Variants in CATSPERB observed in about 807,000 individuals in gnomAD.
The protein encoded by CATSPERB is cation channel sperm-associated auxiliary subunit beta.
CATSPERB carries 93 observed loss-of-function variants against 128.3 expected under a neutral mutation model. That is an observed-to-expected ratio of 0.72 (90% CI 0.61 to 0.86). The LOEUF (loss-of-function observed/expected upper bound fraction) is 0.86. CATSPERB is among the 40% of genes least tolerant of loss of function. CATSPERB has a pLI of 0.00. For synonymous variants in CATSPERB, 381 were observed against 448.8 expected, an observed-to-expected ratio of 0.85 and a Z score of 1.91; for missense variants, 1,153 against 1,329.5, an observed-to-expected ratio of 0.87 and a Z score of 2.06.
intron 22 of CATSPERB, among the ~76,000 whole-genome samples, chr14:91,596,788 C>T (rs183000705): frequency 6.6e-6 from 1 of 152,220 alleles, no homozygotes; most frequent in African/African-American, 2.4e-5. Flanking sequence ...TTTGACAATG[C>T]TTCCTGTATA....
chr14:91,647,686 T>C (rs1894629726), intron 15 of CATSPERB, among the ~76,000 whole-genome samples: 1 of 152,142 alleles, frequency 6.6e-6, no homozygotes, highest in Non-Finnish European at 1.5e-5. Flanking sequence ...TTGTGAGACT[T>C]ATTCACTATC....
At chr14:91,602,700 C>T (rs528813037) in intron 22 of CATSPERB, among the ~76,000 whole-genome samples, 2 of 151,864 alleles carry the variant, frequency 1.3e-5, no homozygotes, top group East Asian at 3.9e-4. Context: ...AAATATAAAA[C>T]AAATCTGTCC....
intron 14 of CATSPERB, among the ~76,000 whole-genome samples, chr14:91,663,322 A>T (rs1894917821): frequency 6.6e-6 from 1 of 152,080 alleles, no homozygotes; most frequent in African/African-American, 2.4e-5. Flanking sequence ...GTTTAACTTG[A>T]CCCAAATTAT....
intron 25 of CATSPERB, 149 bp downstream of exon 25, chr14:91,587,829 C>T (rs1003298397): frequency 1.7e-6 from 1 of 589,088 alleles, no homozygotes; most frequent in South Asian, 2.3e-5. Flanking sequence ...AAAAATAAAC[C>T]CTCTTCATAT....
At chr14:91,681,403 A>G (rs1451050174) in intron 11 of CATSPERB, among the ~76,000 whole-genome samples, 1 of 152,222 alleles carries the variant, frequency 6.6e-6, no homozygotes, top group East Asian at 1.9e-4. Context: ...GAGAGAAGCC[A>G]CACTCTAAAA....
intron 25 of CATSPERB, among the ~76,000 whole-genome samples, chr14:91,587,616 T>C (rs1266401924): frequency 6.6e-6 from 1 of 151,880 alleles, no homozygotes; most frequent in Non-Finnish European, 1.5e-5. Context: ...GTTTTCACAA[T>C]TATCTGTATT....
At chr14:91,704,468 G>A (rs1895703371) in intron 7 of CATSPERB, 84 bp downstream of exon 7, 2 of 1,382,818 alleles carry the variant, frequency 1.4e-6, no homozygotes, top group Non-Finnish European at 2.0e-6. Flanking sequence ...CTATGTCTAT[G>A]CATTTATTTC....
intron 22 of CATSPERB, among the ~76,000 whole-genome samples, chr14:91,597,138 C>T (rs1057073210): frequency 7.2e-5 from 11 of 152,010 alleles, no homozygotes; most frequent in Non-Finnish European, 1.5e-4. Flanking sequence ...GATCTGCCTG[C>T]CTCAGCCTCC....
intron 22 of CATSPERB, among the ~76,000 whole-genome samples, chr14:91,599,790 C>A (rs1893579802): frequency 6.6e-6 from 1 of 152,076 alleles, no homozygotes; most frequent in African/African-American, 2.4e-5. Flanking sequence ...TTCCAGGTCA[C>A]AGAAAGGTGA....
intron 15 of CATSPERB, among the ~76,000 whole-genome samples, chr14:91,643,994 T>C (rs2139809156): frequency 7.2e-6 from 1 of 139,358 alleles, no homozygotes; most frequent in East Asian, 2.0e-4. Flanking sequence ...TGATCCTTGT[T>C]GGTTTAAAGT....
At chr14:91,661,523 T>TAATA (rs1894882644) in intron 14 of CATSPERB, among the ~76,000 whole-genome samples, 1 of 44,648 alleles carries the variant, frequency 2.2e-5, no homozygotes, top group African/African-American at 8.3e-5. Context: ...TCAGATGCTA[T>TAATA]CATATATATA....
chr14:91,675,078 C>T (rs1895169092), intron 11 of CATSPERB, among the ~76,000 whole-genome samples: 2 of 151,084 alleles, frequency 1.3e-5, no homozygotes, highest in South Asian at 4.2e-4. Flanking sequence ...AGCAGCCAAG[C>T]TTGCATTCAT....
chr14:91,663,083 A>C (rs1894913121), intron 14 of CATSPERB, among the ~76,000 whole-genome samples: 1 of 149,622 alleles, frequency 6.7e-6, no homozygotes, highest in Non-Finnish European at 1.5e-5. Flanking sequence ...TCCCTCCTCC[A>C]CCTCCTTCTC....
Position 91,589,536 on chromosome 14 carries a change from A to C in CATSPERB, c.2954T>G (p.Leu985Arg), listed in dbSNP as rs767805431. 1.9e-6 allele frequency: 3 copies of C among 1,611,552 alleles called. No homozygotes were observed. Among genetic ancestry groups the C allele is most frequent in the African/African-American group, 2.7e-5 (2 of 74,898 alleles). The change falls in exon 24 of 27, where the codon CTG becomes CGG. Residue 985 changes from leucine to arginine, a missense_variant and splice_region_variant. Physicochemically the swap from Leu to Arg is moderately radical, Grantham distance 102. Coordinates refer to ENST00000256343, the MANE Select transcript of CATSPERB (RefSeq NM_024764.4). ...TEVNMRHNWK[L>R]KHTVPENIKR... ...TTACAGATGAAAGCAAACCCTACTC[A>C]GTTTCCAGTTGTGCCTCATGTTCAC...
At chr14:91,661,524 C>CATATATATAT (rs58330624) in intron 14 of CATSPERB, among the ~76,000 whole-genome samples, 13,349 of 126,672 alleles carry the variant, frequency 0.11, 925 homozygotes, top group Admixed American at 0.2. Context: ...CAGATGCTAT[C>CATATATATAT]ATATATATAT....
chr14:91,663,048 C>T (rs1315839076), intron 14 of CATSPERB, among the ~76,000 whole-genome samples: 5 of 151,876 alleles, frequency 3.3e-5, no homozygotes. Context: ...TCTTTCTCTC[C>T]TTCTTCTTTC....
intron 12 of CATSPERB, 106 bp from the exon 13 acceptor site, chr14:91,673,122 T>C: frequency 9.6e-7 from 1 of 1,036,894 alleles, no homozygotes; most frequent in Non-Finnish European, 1.4e-6. Context: ...TTACAGTTTT[T>C]TGAACAAACA....
At chr14:91,582,742 C>T (rs1263112486) in intron 26 of CATSPERB, among the ~76,000 whole-genome samples, 3 of 152,230 alleles carry the variant, frequency 2.0e-5, no homozygotes, top group African/African-American at 4.8e-5. Context: ...GGCAAAGAAA[C>T]CACCTGACTG....
At position 91,721,516 on chromosome 14, in the gene CATSPERB, G is replaced by T. The variant is rs564025407; in HGVS notation, c.309+1533C>A. Among the ~76,000 whole-genome samples the T allele has an allele frequency of 3.3e-5, 5 of 152,238 alleles. No homozygotes were observed. In the East Asian group the frequency reaches 7.7e-4, roughly 23 times the overall value. ...GGGAAATTAAAATCAAAATGATAATGAGATAGCACTTTATACCTACTAGGA... is the reference window on the plus strand; with the variant it reads ...GGGAAATTAAAATCAAAATGATAATTAGATAGCACTTTATACCTACTAGGA... On this transcript the variant is annotated intron_variant, in intron 4 of 26. Transcript: ENST00000256343.
Sources: allele counts gnomAD v4.1 joint callset (sites outside exome capture counted in the v4.1 genomes callset), GRCh38; gene constraint gnomAD v4.1.1; transcripts MANE v1.5; gene names NCBI Gene and HGNC (gene_info 2026-07-23, HGNC 2026-07-21).